The following SRPK2 variants were observed in gnomAD, a reference collection of about 807,000 sequenced individuals.
SRPK2 encodes SRSF protein kinase 2, also known as SFRS protein kinase 2.
A neutral mutation model predicts 90.8 loss-of-function variants in SRPK2; 21 were observed. That is an observed-to-expected ratio of 0.23 (90% CI 0.16 to 0.33). SRPK2 has a LOEUF of 0.33. SRPK2 is among the 10% of genes least tolerant of loss of function. The pLI is 1.00. For synonymous variants in SRPK2, 288 were observed against 311.1 expected (o/e 0.93, Z 0.78); for missense variants, 620 against 869.0 (o/e 0.71, Z 3.60).
intron 3 of SRPK2, among the ~76,000 whole-genome samples, chr7:105,175,203 C>G (rs764768521): frequency 2.7e-5 from 4 of 149,588 alleles, no homozygotes; most frequent in Non-Finnish European, 4.4e-5. Context: ...CAGACCATAA[C>G]AGAATTAAAT....
At chr7:105,228,949 C>T (rs1016599428) in intron 2 of SRPK2, among the ~76,000 whole-genome samples, 2 of 152,190 alleles carry the variant, frequency 1.3e-5, no homozygotes, top group African/African-American at 2.4e-5. Flanking sequence ...AAAAGCCCTG[C>T]ATCATAACTA....
chr7:105,221,754 C>T (rs903948191), intron 2 of SRPK2, among the ~76,000 whole-genome samples: 7 of 152,154 alleles, frequency 4.6e-5, no homozygotes, highest in African/African-American at 1.4e-4. Context: ...TTTAACAGAG[C>T]CAACTTTCCA....
chr7:105,281,146 GAGTAT>G (rs1199331558), intron 2 of SRPK2, among the ~76,000 whole-genome samples: 1 of 151,344 alleles, frequency 6.6e-6, no homozygotes, highest in Non-Finnish European at 1.5e-5. Context: ...GCCCAGGCTG[GAGTAT>G]AGTAGCGCGA....
chr7:105,373,389 A>ATT (rs397970137), intron 2 of SRPK2, among the ~76,000 whole-genome samples: 1 of 142,622 alleles, frequency 7.0e-6, no homozygotes. Flanking sequence ...AAAAAAAAAA[A>ATT]TTTTTTTTCT....
chr7:105,175,187 T>G (rs1034988770), intron 3 of SRPK2, among the ~76,000 whole-genome samples: 8 of 149,946 alleles, frequency 5.3e-5, no homozygotes, highest in Admixed American at 1.3e-4. Context: ...ACACAAAGTA[T>G]GTCCTCAGAC....
At chr7:105,181,196 A>C (rs1462025206) in intron 3 of SRPK2, among the ~76,000 whole-genome samples, 1 of 152,236 alleles carries the variant, frequency 6.6e-6, no homozygotes, top group Non-Finnish European at 1.5e-5. Flanking sequence ...CAGAATGGCT[A>C]CTAAAAAGTC....
intron 15 of SRPK2, among the ~76,000 whole-genome samples, chr7:105,122,999 T>C (rs923452869): frequency 6.6e-6 from 1 of 152,134 alleles, no homozygotes; most frequent in Non-Finnish European, 1.5e-5. Flanking sequence ...CAGTGAGGTC[T>C]GCTCCTGGCT....
intron 2 of SRPK2, among the ~76,000 whole-genome samples, chr7:105,295,962 A>T (rs941538798): frequency 2.0e-5 from 3 of 152,190 alleles, no homozygotes; most frequent in Admixed American, 2.0e-4. Flanking sequence ...TGGTTTCTTG[A>T]AGTACTTCTA....
chr7:105,194,851 A>C (rs1443381271), intron 3 of SRPK2, among the ~76,000 whole-genome samples: 1 of 152,178 alleles, frequency 6.6e-6, no homozygotes, highest in Non-Finnish European at 1.5e-5. Context: ...GGGATGGAGC[A>C]GATGGAGTCC....
intron 2 of SRPK2, among the ~76,000 whole-genome samples, chr7:105,323,801 CA>C (rs1563237945): frequency 6.6e-6 from 1 of 152,130 alleles, no homozygotes; most frequent in East Asian, 1.9e-4. Flanking sequence ...GAGGACATGA[CA>C]CTCACATCTT....
intron 2 of SRPK2, among the ~76,000 whole-genome samples, chr7:105,235,459 A>G (rs923400188): frequency 1.3e-4 from 10 of 77,352 alleles, no homozygotes. Context: ...GTTGTCTGGG[A>G]TTGTGTGTGT....
rs11350866 is a variant in SRPK2 at position 105,327,067 on chromosome 7, C to CAA, written c.71+61579_71+61580dup. 2.9e-3 allele frequency among the ~76,000 whole-genome samples: 353 copies of CAA among 123,294 alleles called. 2 individuals are homozygous for CAA. The highest frequency in any genetic ancestry group is 0.026 in the East Asian group (103 of 4,036). 80.9% of individuals were successfully genotyped at this position (123,294 alleles called of 152,430 possible). On this transcript the variant is annotated intron_variant, in intron 2 of 15. Transcript: ENST00000393651. ...GGGCGACAAGAGCAAAACTCCGTAT[C>CAA]AAAAAAAAAAAAAAAAAAATTCAAG...
chr7:105,247,531 A>ACACACACAC (rs1801851645), intron 2 of SRPK2, among the ~76,000 whole-genome samples: 3 of 145,162 alleles, frequency 2.1e-5, no homozygotes, highest in Non-Finnish European at 4.5e-5. Context: ...CACACACATA[A>ACACACACAC]ACACACACAC....
intron 2 of SRPK2, chr7:105,206,077 G>A (rs927465060): frequency 1.8e-5 from 9 of 504,402 alleles, no homozygotes; most frequent in East Asian, 1.1e-4. Context: ...TGGGGCTGTC[G>A]TGTGCACTGT....
chr7:105,174,224 C>T (rs544515371), intron 3 of SRPK2, among the ~76,000 whole-genome samples: 1 of 152,206 alleles, frequency 6.6e-6, no homozygotes, highest in South Asian at 2.1e-4. Context: ...TAAAACTCTA[C>T]CTATGCTAAT....
intron 3 of SRPK2, among the ~76,000 whole-genome samples, chr7:105,182,146 G>A (rs1027688715): frequency 2.7e-5 from 4 of 148,024 alleles, no homozygotes; most frequent in Non-Finnish European, 4.4e-5. Context: ...CAGGAGAATC[G>A]CTTGAACCCA....
intron 7 of SRPK2, among the ~76,000 whole-genome samples, chr7:105,149,576 C>G (rs972418677): frequency 6.6e-6 from 1 of 152,166 alleles, no homozygotes; most frequent in Non-Finnish European, 1.5e-5. Flanking sequence ...TTTCTCTATA[C>G]TTTGTCTCTG....
intron 15 of SRPK2, among the ~76,000 whole-genome samples, chr7:105,120,417 G>C (rs1040315620): frequency 1.3e-5 from 2 of 152,168 alleles, no homozygotes; most frequent in African/African-American, 4.8e-5. Context: ...CATAGTAACA[G>C]TGAGCAAAAC....
intron 15 of SRPK2, among the ~76,000 whole-genome samples, chr7:105,119,955 A>AG (rs1324490614): frequency 6.6e-6 from 1 of 152,252 alleles, no homozygotes; most frequent in Non-Finnish European, 1.5e-5. Context: ...GTACAACATT[A>AG]GGCAGTAAAA....
Sources: gnomAD v4.1 joint callset for allele counts (sites outside exome capture counted in the v4.1 genomes callset) on GRCh38, gnomAD v4.1.1 for gene constraint, MANE v1.5 for transcripts, NCBI Gene and HGNC (gene_info 2026-07-23, HGNC 2026-07-21) for gene names.